Variants in BEND3 observed in about 807,000 individuals in gnomAD.
BEND3 encodes the protein BEN domain-containing protein 3.
A neutral mutation model predicts 60.1 loss-of-function variants in BEND3; 13 were observed. The observed-to-expected ratio is 0.22, with a 90% CI of 0.14 to 0.34. The LOEUF is 0.34. Among genes scored for constraint, BEND3 ranks in the 10% least tolerant of loss-of-function variants. The pLI, the probability that BEND3 is intolerant of heterozygous loss-of-function variation, is 1.00. For synonymous variants in BEND3, 497 were observed against 491.5 expected (o/e 1.01, Z -0.15); for missense variants, 896 against 1,138.1 (o/e 0.79, Z 3.06).
intron 3 of BEND3, among the ~76,000 whole-genome samples, chr6:107,095,847 T>A (rs138077224): frequency 1.2e-4 from 19 of 152,238 alleles, no homozygotes; most frequent in Non-Finnish European, 2.4e-4. Flanking sequence ...AAGATAAAAG[T>A]ATGGAGATGG....
At chr6:107,080,604 G>A (rs71574224) in intron 3 of BEND3, among the ~76,000 whole-genome samples, 10,913 of 152,082 alleles carry the variant, frequency 0.072, 510 homozygotes, top group South Asian at 0.13. Context: ...AGGGTTGGCT[G>A]GGCACAGTGG....
In BEND3 at chr6:107,094,071, C is replaced by A. The variant is rs549273420; in HGVS notation, c.240+4480G>T. 2.0e-5 allele frequency among the ~76,000 whole-genome samples: 3 copies of A among 152,188 alleles called. No homozygotes were observed. The South Asian group carries it at 6.2e-4, about 32-fold the overall frequency. On this transcript the variant is annotated intron_variant, in intron 3 of 3. Coordinates refer to ENST00000369042, the MANE Select transcript of BEND3 (RefSeq NM_001367314.1). The stretch of plus-strand genomic sequence containing the variant: ...TAAAATTCAACAATAAAAACAAAAC[C>A]CAATTTTAAAATGGGCCAGCCAGGT...
chr6:107,097,408 G>A (rs980741486), intron 3 of BEND3, among the ~76,000 whole-genome samples: 47 of 150,526 alleles, frequency 3.1e-4, no homozygotes, highest in African/African-American at 1.1e-3. Context: ...ATAAATTAGA[G>A]AAACAAGTTG....
At chr6:107,077,013 A>C (rs1554232848) in intron 3 of BEND3, among the ~76,000 whole-genome samples, 1 of 151,892 alleles carries the variant, frequency 6.6e-6, no homozygotes, top group African/African-American at 2.4e-5. Context: ...ATGGTCAGCT[A>C]ATTTTTTTTG....
Position 107,115,424 on chromosome 6 carries a change from GGCGGCGGCGCTCGGGCGTGAACGGCC to G in BEND3, c.-372_-347del, listed in dbSNP as rs1187102168. On this transcript the variant is annotated 5_prime_UTR_variant, in exon 1 of 4. Coordinates refer to ENST00000369042, the MANE Select transcript of BEND3 (RefSeq NM_001367314.1). Reference sequence around the variant, plus strand: ...TCAGCGGGGCACACGCGGGACCGGCGGCGGCGGCGCTCGGGCGTGAACGGCCGCGGCGGGGAGCTCGGGCGCGCACT... The same window carrying G: ...TCAGCGGGGCACACGCGGGACCGGCGGCGGCGGGGAGCTCGGGCGCGCACT... Among the ~76,000 whole-genome samples the G allele has an allele frequency of 1.3e-5, 2 of 148,384 alleles. No homozygotes were observed. The highest frequency in any genetic ancestry group is 3.0e-5 in the Non-Finnish European group (2 of 66,594).
chr6:107,103,800 T>C (rs751697325), intron 1 of BEND3, among the ~76,000 whole-genome samples: 92 of 151,444 alleles, frequency 6.1e-4, no homozygotes, highest in Non-Finnish European at 1.0e-3. Flanking sequence ...AATACAAAAT[T>C]AGCTGGGCAT....
chr6:107,096,876 C>T (rs1267646966), intron 3 of BEND3, among the ~76,000 whole-genome samples: 1 of 152,132 alleles, frequency 6.6e-6, no homozygotes, highest in Admixed American at 6.5e-5. Context: ...AGGCAGACCA[C>T]TTGAGGTCTG....
At chr6:107,079,338 T>A (rs1235729454) in intron 3 of BEND3, among the ~76,000 whole-genome samples, 2 of 152,212 alleles carry the variant, frequency 1.3e-5, no homozygotes, top group African/African-American at 4.8e-5. Flanking sequence ...AGCCCAGGTG[T>A]GATCCGATTC....
intron 3 of BEND3, among the ~76,000 whole-genome samples, chr6:107,072,358 A>G (rs1554232193): frequency 6.6e-6 from 1 of 152,174 alleles, no homozygotes; most frequent in African/African-American, 2.4e-5. Flanking sequence ...TGCATCTCTA[A>G]TAAGCTCCTG....
chr6:107,087,446 A>G (rs1483517285), intron 3 of BEND3, among the ~76,000 whole-genome samples: 1 of 152,222 alleles, frequency 6.6e-6, no homozygotes, highest in Non-Finnish European at 1.5e-5. Context: ...ACTCTAATGG[A>G]AAAAGTAGAC....
chr6:107,100,510 G>A lies in BEND3; in HGVS notation c.-11-1214C>T, dbSNP rs539736059. Reference sequence around the variant, plus strand: ...TCTCGATCTCCTGACCTCATGATCCGCCCACCTCAGCCTCCCAAAGTGCTG... The same window carrying A: ...TCTCGATCTCCTGACCTCATGATCCACCCACCTCAGCCTCCCAAAGTGCTG... On this transcript the variant is annotated intron_variant, in intron 1 of 3. Coordinates refer to ENST00000369042, the MANE Select transcript of BEND3 (RefSeq NM_001367314.1). Among the ~76,000 whole-genome samples the A allele has an allele frequency of 3.3e-4, 49 of 150,588 alleles. No individual in the cohort carries two copies. The South Asian group carries it at 8.2e-3, about 25-fold the overall frequency.
Position 107,099,238 on chromosome 6 carries a change from T to TC in BEND3, c.37+10_37+11insG, listed in dbSNP as rs1214838237. Reference sequence around the variant, plus strand: ...TAAAAACATTTTTCAAAAAGGGCATTTTTTTTTTACCTTCTTCTACATCTT... The same window carrying TC: ...TAAAAACATTTTTCAAAAAGGGCATTCTTTTTTTTACCTTCTTCTACATCTT... On this transcript the variant is annotated intron_variant, in intron 2 of 3. Coordinates refer to ENST00000369042, the MANE Select transcript of BEND3 (RefSeq NM_001367314.1). The TC allele has an allele frequency of 6.2e-7, 1 of 1,600,796 alleles. No homozygotes were observed. Among genetic ancestry groups the TC allele is most frequent in the African/African-American group, 1.3e-5 (1 of 74,320 alleles).
chr6:107,076,926 C>T (rs1383006303), intron 3 of BEND3, among the ~76,000 whole-genome samples: 2 of 152,000 alleles, frequency 1.3e-5, no homozygotes, highest in South Asian at 2.1e-4. Context: ...TTCGCCATCA[C>T]TCCCCACCCT....
chr6:107,071,273 G>C (rs1024873949), intron 3 of BEND3, among the ~76,000 whole-genome samples: 1 of 152,246 alleles, frequency 6.6e-6, no homozygotes, highest in Admixed American at 6.5e-5. Context: ...TACTGGGCAA[G>C]AACTCTGCAA....
At position 107,073,259 on chromosome 6, in the gene BEND3, ATATATG is replaced by A. The variant is rs1183760497; in HGVS notation, c.241-2315_241-2310del. 8.3e-4 allele frequency among the ~76,000 whole-genome samples: 20 copies of A among 24,228 alleles called. 2 individuals carry two copies. Among genetic ancestry groups the A allele is most frequent in the African/African-American group, 1.6e-3 (14 of 8,854 alleles). The allele number at this position is 24,228 out of a possible 152,430, so 15.9% of individuals were successfully genotyped here. A position where few individuals can be genotyped will look rare whatever the true frequency, so the allele number is the denominator to read the frequency against. ...TATATATATATATATATATATATAT[ATATATG>A]TATGTGAGCAAATGGTCAGTGGCAA... On this transcript the variant is annotated intron_variant, in intron 3 of 3. Transcript: ENST00000369042.
intron 3 of BEND3, among the ~76,000 whole-genome samples, chr6:107,075,201 A>C (rs311233): frequency 6.6e-6 from 1 of 151,952 alleles, no homozygotes; most frequent in Non-Finnish European, 1.5e-5. Context: ...ACCATAGCTT[A>C]GGCGACAGAG....
chr6:107,072,151 C>T (rs782741108), intron 3 of BEND3, among the ~76,000 whole-genome samples: 14 of 152,148 alleles, frequency 9.2e-5, no homozygotes, highest in Non-Finnish European at 1.9e-4. Context: ...GAGCAGGGAG[C>T]CTTTGCTCCC....
rs1554231612 is a variant in BEND3 at position 107,069,822 on chromosome 6, T to G, written c.1369A>C (p.Ile457Leu). 2 of 1,613,342 alleles carry G rather than the reference T, an allele frequency of 1.2e-6. No homozygotes were observed. Among genetic ancestry groups the G allele is most frequent in the Non-Finnish European group, 1.7e-6 (2 of 1,179,904 alleles). ...RLQIIRNYTE[I>L]YFPDMQEEEA... ...TCCTCCTGCATGTCAGGGAAGTAGATCTCCGTGTAGTTGCGGATGATCTGC... is the reference window on the plus strand; with the variant it reads ...TCCTCCTGCATGTCAGGGAAGTAGAGCTCCGTGTAGTTGCGGATGATCTGC... Residue 457 changes from isoleucine (I) to leucine (L), a missense_variant, in exon 4 of 4, where the codon ATC becomes CTC. Transcript: ENST00000369042.
At chr6:107,080,194 G>T (rs1480015324) in intron 3 of BEND3, among the ~76,000 whole-genome samples, 1 of 151,642 alleles carries the variant, frequency 6.6e-6, no homozygotes, top group Non-Finnish European at 1.5e-5. Flanking sequence ...CCCAGTAGTT[G>T]GAGACCAACC....
Sources: gnomAD v4.1 joint callset for allele counts (sites outside exome capture counted in the v4.1 genomes callset) on GRCh38, gnomAD v4.1.1 for gene constraint, MANE v1.5 for transcripts, NCBI Gene and HGNC (gene_info 2026-07-23, HGNC 2026-07-21) for gene names.